SHANK2: variants seen among roughly 807,000 people sequenced by gnomAD.
SHANK2 encodes SH3 and multiple ankyrin repeat domains 2, also known as SH3 and multiple ankyrin repeat domains protein 2.
A neutral mutation model predicts 133.7 loss-of-function variants in SHANK2; 43 were observed. That is an observed-to-expected ratio of 0.32 (90% confidence interval 0.25 to 0.41). SHANK2 has a LOEUF of 0.41. Ranked by LOEUF, SHANK2 falls within the 10% of genes least tolerant of loss-of-function variation. The pLI is 1.00. For missense variants in SHANK2, 1,994 were observed against 2,235.8 expected (o/e 0.89, Z 2.18); for synonymous variants, 1,017 against 952.8 (o/e 1.07, Z -1.24).
chr11:70,952,192 G>A lies in SHANK2; in HGVS notation c.1108-55625C>T, dbSNP rs548408585. 7.6e-4 allele frequency among the ~76,000 whole-genome samples: 115 copies of A among 152,308 alleles called. 3 individuals are homozygous for A. The South Asian group carries it at 0.015, about 20-fold the overall frequency. On this transcript the variant is annotated intron_variant, in intron 10 of 25. Transcript: ENST00000601538. ...GGGAATGCTAGGCCCCTGCTGTGCC[G>A]TCTGGCCAGATCTGTGGCTGAGAGT...
At chr11:70,802,418 C>T (rs556423024) in intron 13 of SHANK2, among the ~76,000 whole-genome samples, 15 of 152,226 alleles carry the variant, frequency 9.9e-5, no homozygotes, top group African/African-American at 3.4e-4. Flanking sequence ...GCTCCGACCC[C>T]GCTGCTACAC....
At position 70,556,590 on chromosome 11, in the gene SHANK2, C is replaced by CTTT. The variant is rs56161301; in HGVS notation, c.2062-53662_2062-53660dup. On this transcript the variant is annotated intron_variant, in intron 17 of 25. Transcript: ENST00000601538. ...ACCGCCATGCCCAGCTAATTTTTTT[C>CTTT]TTTTTTTTTTTTTTTTCTTGAGACA... 2.0e-3 allele frequency among the ~76,000 whole-genome samples: 282 copies of CTTT among 140,174 alleles called. 6 individuals are homozygous for CTTT. Among genetic ancestry groups the CTTT allele is most frequent in the African/African-American group, 7.0e-3 (264 of 37,678 alleles). 92.0% of individuals were successfully genotyped at this position (140,174 alleles called of 152,430 possible).
At position 70,485,634 on chromosome 11, in the gene SHANK2, C is replaced by T; in HGVS notation, c.4659G>A (p.Lys1553=). ...KPPVPPKPKM[K]PIIHKSNALY... is the part of the protein sequence containing the mutation. ...GTGCATTGCTTTTGTGAATGATGGG[C>T]TTCATTTTTGGCTTAGGAGGTACTG... The change falls in exon 25 of 26, where the codon AAG becomes AAA. Residue 1553 remains lysine (K), a synonymous_variant. Transcript: ENST00000601538. This position sits in a 1 kb window ranked among gnomAD's most constrained non-coding sequence, Gnocchi z 5.8. 6.2e-7 allele frequency: 1 copy of T among 1,614,086 alleles called. No individual in the cohort carries two copies. The highest frequency in any genetic ancestry group is 8.5e-7 in the Non-Finnish European group (1 of 1,180,030).
In SHANK2 at chr11:70,882,163, T is replaced by G. The variant is rs1189653408; in HGVS notation, c.1174+14338A>C. Among the ~76,000 whole-genome samples the G allele has an allele frequency of 6.6e-6, 1 of 151,446 alleles. No individual in the cohort carries two copies. The highest frequency in any genetic ancestry group is 1.5e-5 in the Non-Finnish European group (1 of 67,884). ...ATGCTGGCAGGTGAGACAAACAGCA[T>G]GGAGGAGGAGGAGGAGGGAGGGAGT... On this transcript the variant is annotated intron_variant, in intron 11 of 25. Coordinates refer to ENST00000601538, the MANE Select transcript of SHANK2 (RefSeq NM_012309.5). The surrounding 1 kb of genome is among the most constrained non-coding windows in gnomAD (Gnocchi z 4.2).
chr11:70,681,712 G>C (rs1555018430), intron 15 of SHANK2, among the ~76,000 whole-genome samples: 1 of 152,110 alleles, frequency 6.6e-6, no homozygotes, highest in African/African-American at 2.4e-5. Flanking sequence ...ATGCCTTTTG[G>C]TTTGGGAGGC....
intron 18 of SHANK2, 30 bp downstream of exon 18, chr11:70,502,766 G>T: frequency 1.7e-6 from 1 of 599,260 alleles, no homozygotes. Context: ...TAGGGCCCCA[G>T]GCTGGAGCTG....
chr11:70,499,894 A>G (rs943045603), intron 21 of SHANK2, among the ~76,000 whole-genome samples: 1 of 152,230 alleles, frequency 6.6e-6, no homozygotes, highest in Non-Finnish European at 1.5e-5. Context: ...GGCTCCTCCC[A>G]ACTCCAAGGG....
chr11:70,659,691 T>C (rs2061455848), intron 17 of SHANK2, 137 bp downstream of exon 17: 1 of 1,069,192 alleles, frequency 9.4e-7, no homozygotes, highest in Non-Finnish European at 1.4e-6. Context: ...TGGGAGAAAC[T>C]GACCAATGAA....
chr11:70,810,112 T>C (rs992727953), intron 12 of SHANK2, among the ~76,000 whole-genome samples: 5 of 152,188 alleles, frequency 3.3e-5, no homozygotes, highest in Non-Finnish European at 4.4e-5. Context: ...CAGGAACTCC[T>C]GCAAAAGCTA....
intron 25 of SHANK2, among the ~76,000 whole-genome samples, chr11:70,482,753 G>A (rs1031474166): frequency 7.9e-5 from 12 of 152,370 alleles, no homozygotes; most frequent in African/African-American, 2.2e-4. Flanking sequence ...GCACTCACGC[G>A]TGGGTCGGCG....
At chr11:70,756,609 G>A (rs886350873) in intron 14 of SHANK2, among the ~76,000 whole-genome samples, 20 of 152,174 alleles carry the variant, frequency 1.3e-4, no homozygotes, top group Admixed American at 1.3e-3. Flanking sequence ...GTCCAGGCAG[G>A]TTCCATGGCA....
At chr11:70,501,781 C>A (rs1403944773) in intron 20 of SHANK2, 142 bp downstream of exon 20, 2 of 817,012 alleles carry the variant, frequency 2.4e-6, no homozygotes, top group Admixed American at 2.4e-5. Flanking sequence ...ACACACAGAT[C>A]CCCGGAGGAT....
intron 2 of SHANK2, among the ~76,000 whole-genome samples, chr11:71,204,081 T>A (rs1209512510): frequency 1.3e-5 from 2 of 152,140 alleles, no homozygotes; most frequent in Non-Finnish European, 2.9e-5. Flanking sequence ...GTCCTTCTCA[T>A]GAATCAGTGA....
chr11:70,888,432 C>T (rs1198803), intron 11 of SHANK2, among the ~76,000 whole-genome samples: 1 of 151,082 alleles, frequency 6.6e-6, no homozygotes, highest in Admixed American at 6.7e-5. Context: ...CTCTCGCAAA[C>T]ACACTCAATG....
chr11:70,698,836 G>A (rs1945456884), intron 14 of SHANK2, 73 bp from the exon 15 acceptor site: 1 of 716,544 alleles, frequency 1.4e-6, no homozygotes, highest in African/African-American at 1.7e-5. Flanking sequence ...CAGCACATGA[G>A]GCTGGTGGGC....
At chr11:71,074,500 G>C (rs1193148414) in intron 9 of SHANK2, among the ~76,000 whole-genome samples, 1 of 152,068 alleles carries the variant, frequency 6.6e-6, no homozygotes, top group African/African-American at 2.4e-5. Flanking sequence ...TTTAAGGATT[G>C]TTTTGCTGTG....
At chr11:71,145,440 G>A (rs1952625802) in intron 3 of SHANK2, among the ~76,000 whole-genome samples, 1 of 152,242 alleles carries the variant, frequency 6.6e-6, no homozygotes, top group Non-Finnish European at 1.5e-5. Context: ...CCTAGACGGT[G>A]AAGCCACTTG....
chr11:70,840,223 C>G (rs1274055117), intron 11 of SHANK2, among the ~76,000 whole-genome samples: 2 of 152,204 alleles, frequency 1.3e-5, no homozygotes, highest in African/African-American at 4.8e-5. Context: ...AGAGGTGTCC[C>G]GACTCCTGGA....
At chr11:70,617,568 C>G (rs536739181) in intron 17 of SHANK2, among the ~76,000 whole-genome samples, 1 of 152,058 alleles carries the variant, frequency 6.6e-6, no homozygotes, top group African/African-American at 2.4e-5. Context: ...GCTGTCGCCA[C>G]GGGAAGCATA....
Sources: gnomAD v4.1 joint callset for allele counts (sites outside exome capture counted in the v4.1 genomes callset) on GRCh38, gnomAD v4.1.1 for gene constraint, Gnocchi (gnomAD v3.1) non-coding constraint, MANE v1.5 for transcripts, NCBI Gene and HGNC (gene_info 2026-07-23, HGNC 2026-07-21) for gene names.